The following LGSN variants were observed in gnomAD, a reference collection of about 807,000 sequenced individuals.
LGSN encodes the protein lengsin.
LGSN carries 21 observed loss-of-function variants against 19.5 expected under a neutral mutation model. The observed-to-expected ratio is 1.07, with a 90% CI of 0.76 to 1.55. The LOEUF (loss-of-function observed/expected upper bound fraction) is 1.55. Ranked by LOEUF, LGSN falls within the 40% of genes most tolerant of loss-of-function variation. The probability of loss-of-function intolerance (pLI) is 0.00; values close to 1 mark genes in which losing one functional copy is unlikely to be tolerated. For missense variants in LGSN, 673 were observed against 608.5 expected, an observed-to-expected ratio of 1.11 and a Z score of -1.12; for synonymous variants, 257 against 215.6, an observed-to-expected ratio of 1.19 and a Z score of -1.68.
At chr6:63,526,775 C>T in the LGSN span, among the ~76,000 whole-genome samples, 5 of 130,702 alleles carry the variant, frequency 3.8e-5, no homozygotes, top group African/African-American at 1.2e-4. Flanking sequence ...CTCCAACCTG[C>T]GACAGAGCAA....
chr6:63,334,224 A>G, the LGSN span, among the ~76,000 whole-genome samples: 1 of 152,230 alleles, frequency 6.6e-6, no homozygotes, highest in East Asian at 1.9e-4. Flanking sequence ...TAGAAAAGCT[A>G]AAAGACTACA....
chr6:63,549,324 C>T, the LGSN span: 1 of 753,822 alleles, frequency 1.3e-6, no homozygotes, highest in East Asian at 2.4e-5. Context: ...CCGCTGCAAC[C>T]TGATATAGTG....
At chr6:63,315,320 T>A (rs1768796302) in intron 1 of LGSN, among the ~76,000 whole-genome samples, 1 of 152,160 alleles carries the variant, frequency 6.6e-6, no homozygotes, top group Non-Finnish European at 1.5e-5. Flanking sequence ...CTAGGATGAT[T>A]CAGTCAAAAC....
chr6:63,482,662 G>T, the LGSN span, among the ~76,000 whole-genome samples: 1 of 152,102 alleles, frequency 6.6e-6, no homozygotes, highest in Non-Finnish European at 1.5e-5. Flanking sequence ...GGAGGCAGAG[G>T]TTGCAATGAG....
chr6:63,361,938 T>C, the LGSN span, among the ~76,000 whole-genome samples: 1 of 152,236 alleles, frequency 6.6e-6, no homozygotes. Flanking sequence ...ATTTTGCAGG[T>C]ATTGTATGTC....
the LGSN span, among the ~76,000 whole-genome samples, chr6:63,527,590 A>T: frequency 6.6e-6 from 1 of 152,226 alleles, no homozygotes; most frequent in Non-Finnish European, 1.5e-5. Context: ...TACTTCCCAT[A>T]CATTAACTAT....
chr6:63,554,874 T>C, the LGSN span, among the ~76,000 whole-genome samples: 27 of 152,342 alleles, frequency 1.8e-4, no homozygotes, highest in African/African-American at 6.0e-4. Context: ...TTTATGTTTG[T>C]ATATCCACCT....
the LGSN span, among the ~76,000 whole-genome samples, chr6:63,354,046 G>GA: frequency 2.0e-5 from 3 of 151,834 alleles, no homozygotes; most frequent in East Asian, 3.9e-4. Context: ...AACTACTAGG[G>GA]AAAAAACCTA....
chr6:63,285,708 G>A lies in LGSN; in HGVS notation c.209C>T (p.Ser70Phe). 1 of 1,614,032 alleles carries A rather than the reference G, an allele frequency of 6.2e-7. No homozygotes were observed. The highest frequency in any genetic ancestry group is 1.1e-5 in the South Asian group (1 of 91,076). ...TTGTCTAATGTGTTTCATTCTAGAA[G>A]AGAGTTGAGGTGGGGTCAAAATTTG... The part of the protein sequence containing the change: ...SSQILTPPQL[S>F]SRMKHIRQAM... Residue 70 changes from serine (S) to phenylalanine (F), a missense_variant, in exon 3 of 4, where the codon TCT becomes TTT. Transcript: ENST00000370657.
At chr6:63,398,279 C>T in the LGSN span, among the ~76,000 whole-genome samples, 4 of 148,506 alleles carry the variant, frequency 2.7e-5, no homozygotes, top group Non-Finnish European at 4.4e-5. Context: ...TTCCAGAAGG[C>T]ATTGTTATCA....
At chr6:63,338,943 A>G in the LGSN span, among the ~76,000 whole-genome samples, 3 of 152,304 alleles carry the variant, frequency 2.0e-5, no homozygotes, top group East Asian at 5.8e-4. Context: ...ATTAAGAAGC[A>G]TGGTGTTTAA....
chr6:63,482,630 G>A, the LGSN span, among the ~76,000 whole-genome samples: 1 of 152,114 alleles, frequency 6.6e-6, no homozygotes, highest in South Asian at 2.1e-4. Context: ...TCAGGAGAAG[G>A]CACGAGAATT....
chr6:63,408,362 C>A, the LGSN span, among the ~76,000 whole-genome samples: 1 of 148,074 alleles, frequency 6.8e-6, no homozygotes, highest in Non-Finnish European at 1.5e-5. Flanking sequence ...ACAGAGCCCT[C>A]AGAAATAACG....
the LGSN span, among the ~76,000 whole-genome samples, chr6:63,366,101 G>A: frequency 6.6e-6 from 1 of 152,134 alleles, no homozygotes; most frequent in Admixed American, 6.5e-5. Context: ...CACTCAGGCA[G>A]GAGAAAGAAA....
At chr6:63,387,017 C>T in the LGSN span, among the ~76,000 whole-genome samples, 9 of 152,220 alleles carry the variant, frequency 5.9e-5, no homozygotes, top group East Asian at 1.5e-3. Flanking sequence ...AGGAGAATTG[C>T]TTGAGCCCAG....
chr6:63,535,454 C>T, the LGSN span, among the ~76,000 whole-genome samples: 2 of 151,934 alleles, frequency 1.3e-5, no homozygotes, highest in Non-Finnish European at 2.9e-5. Flanking sequence ...GGCAACAGAG[C>T]GAGACTCTGT....
the LGSN span, among the ~76,000 whole-genome samples, chr6:63,539,594 G>A: frequency 2.0e-5 from 3 of 152,084 alleles, no homozygotes; most frequent in Admixed American, 6.6e-5. Context: ...TGGCCAACAT[G>A]GTGAAACCCC....
At chr6:63,573,153 CG>C in the LGSN span, 2 of 156,434 alleles carry the variant, frequency 1.3e-5, no homozygotes, top group Non-Finnish European at 2.8e-5. Context: ...CGCGGCGTCC[CG>C]GGGCCTCTTT....
chr6:63,293,915 T>G, intron 2 of LGSN: 1 of 375,560 alleles, frequency 2.7e-6, no homozygotes, highest in South Asian at 2.0e-5. Flanking sequence ...TGTCTCTTAA[T>G]ATAATATGGA....
Sources: gnomAD v4.1 joint callset for allele counts (sites outside exome capture counted in the v4.1 genomes callset) on GRCh38, gnomAD v4.1.1 for gene constraint, MANE v1.5 for transcripts, NCBI Gene and HGNC (gene_info 2026-07-23, HGNC 2026-07-21) for gene names.